Variants in TAFA1 observed in about 807,000 individuals in gnomAD.
The protein encoded by TAFA1 is chemokine-like protein TAFA-1.
A neutral mutation model predicts 18.5 loss-of-function variants in TAFA1; 4 were observed. The observed-to-expected ratio is 0.22, with a 90% CI of 0.11 to 0.49. TAFA1 has a LOEUF of 0.49. TAFA1 is among the 20% of genes least tolerant of loss of function. The pLI, the probability that TAFA1 is intolerant of heterozygous loss-of-function variation, is 0.98. For synonymous variants in TAFA1, 56 were observed against 55.2 expected (o/e 1.01, Z -0.06); for missense variants, 147 against 169.0 (o/e 0.87, Z 0.72).
At chr3:68,344,515 G>T (rs566563042) in intron 2 of TAFA1, among the ~76,000 whole-genome samples, 2 of 152,154 alleles carry the variant, frequency 1.3e-5, no homozygotes, top group Non-Finnish European at 2.9e-5. Flanking sequence ...TGACAGGCTT[G>T]GGTGTGAAAT....
chr3:68,017,487 G>T (rs1194838458), intron 2 of TAFA1, among the ~76,000 whole-genome samples: 3 of 152,082 alleles, frequency 2.0e-5, no homozygotes, highest in Non-Finnish European at 4.4e-5. Flanking sequence ...CTTTCTCCAG[G>T]CACTCCCTGT....
chr3:68,108,672 A>C (rs1384049610), intron 2 of TAFA1, among the ~76,000 whole-genome samples: 2 of 152,124 alleles, frequency 1.3e-5, no homozygotes, highest in Non-Finnish European at 2.9e-5. Flanking sequence ...AATTTTTAAC[A>C]TCTGGAGAAT....
intron 2 of TAFA1, among the ~76,000 whole-genome samples, chr3:68,105,745 TG>T (rs2065195574): frequency 6.6e-6 from 1 of 152,158 alleles, no homozygotes; most frequent in Non-Finnish European, 1.5e-5. Context: ...TGCAGAGGCT[TG>T]TCTCTATGTC....
intron 3 of TAFA1, among the ~76,000 whole-genome samples, chr3:68,451,020 TA>T (rs2071559498): frequency 6.6e-6 from 1 of 152,178 alleles, no homozygotes; most frequent in Admixed American, 6.5e-5. Context: ...GTGATGGAAT[TA>T]AAGTTTCAAA....
intron 3 of TAFA1, among the ~76,000 whole-genome samples, chr3:68,505,789 C>CA (rs1289240650): frequency 6.6e-6 from 1 of 152,058 alleles, no homozygotes; most frequent in Admixed American, 6.6e-5. Flanking sequence ...TCTTCAAGGC[C>CA]AGCAAGAAAA....
At chr3:68,387,557 G>A (rs1057444587) in intron 2 of TAFA1, among the ~76,000 whole-genome samples, 5 of 152,134 alleles carry the variant, frequency 3.3e-5, no homozygotes, top group African/African-American at 1.2e-4. Flanking sequence ...GCATTTACTA[G>A]TAAATAACTC....
chr3:68,042,792 A>T (rs1188617085), intron 2 of TAFA1, among the ~76,000 whole-genome samples: 1 of 152,242 alleles, frequency 6.6e-6, no homozygotes, highest in African/African-American at 2.4e-5. Context: ...GTTGACAGGC[A>T]CAGAGGCTGG....
chr3:68,066,541 G>A (rs2064680478), intron 2 of TAFA1, among the ~76,000 whole-genome samples: 1 of 152,058 alleles, frequency 6.6e-6, no homozygotes, highest in Admixed American at 6.6e-5. Flanking sequence ...AGACAGTTCT[G>A]GAAAATATAA....
At chr3:68,219,125 G>T (rs1190546753) in intron 2 of TAFA1, among the ~76,000 whole-genome samples, 1 of 151,620 alleles carries the variant, frequency 6.6e-6, no homozygotes, top group Non-Finnish European at 1.5e-5. Context: ...TTACTAAGAG[G>T]ATTTCTTTTT....
upstream of TAFA1, among the ~76,000 whole-genome samples, chr3:68,003,141 A>C (rs1704302862): frequency 6.6e-6 from 1 of 152,346 alleles, no homozygotes; most frequent in East Asian, 1.9e-4. Flanking sequence ...TTTAGAGAAC[A>C]GTTGTTATGT....
chr3:68,166,341 T>C (rs192315399), intron 2 of TAFA1, among the ~76,000 whole-genome samples: 11 of 152,308 alleles, frequency 7.2e-5, no homozygotes, highest in African/African-American at 2.4e-4. Context: ...TCCTTCCTAT[T>C]AGTGCTTTCT....
At chr3:68,448,447 C>T (rs1293325364) in intron 3 of TAFA1, among the ~76,000 whole-genome samples, 1 of 152,062 alleles carries the variant, frequency 6.6e-6, no homozygotes, top group Non-Finnish European at 1.5e-5. Context: ...GTTTCAATGA[C>T]TCTATTAATA....
intron 2 of TAFA1, among the ~76,000 whole-genome samples, chr3:68,363,006 A>G (rs1473002178): frequency 8.2e-6 from 1 of 121,504 alleles, no homozygotes; most frequent in Non-Finnish European, 1.6e-5. Context: ...TTTTAAATAC[A>G]GTTTAACTGT....
intron 2 of TAFA1, among the ~76,000 whole-genome samples, chr3:68,110,993 C>T (rs2065255938): frequency 6.6e-6 from 1 of 152,060 alleles, no homozygotes; most frequent in African/African-American, 2.4e-5. Context: ...GTTTGAATGC[C>T]CCCCTCCTCC....
chr3:68,217,209 T>C (rs2066670693), intron 2 of TAFA1, among the ~76,000 whole-genome samples: 1 of 152,068 alleles, frequency 6.6e-6, no homozygotes, highest in African/African-American at 2.4e-5. Flanking sequence ...TTACTTTTAA[T>C]GGCAAAAACT....
intron 2 of TAFA1, among the ~76,000 whole-genome samples, chr3:68,121,930 G>T (rs1032824024): frequency 2.0e-5 from 3 of 151,930 alleles, no homozygotes; most frequent in Non-Finnish European, 4.4e-5. Context: ...CTATATTGAG[G>T]TATTTTGCAT....
intron 2 of TAFA1, among the ~76,000 whole-genome samples, chr3:68,203,438 A>T (rs990277943): frequency 6.6e-6 from 1 of 151,638 alleles, no homozygotes; most frequent in Non-Finnish European, 1.5e-5. Flanking sequence ...TTTTCAAACT[A>T]TGTGTTTTGT....
At chr3:68,010,463 A>G (rs1432481434) in intron 2 of TAFA1, among the ~76,000 whole-genome samples, 3 of 152,162 alleles carry the variant, frequency 2.0e-5, no homozygotes, top group Non-Finnish European at 4.4e-5. Context: ...TGCTGTCATA[A>G]CATGAAATCG....
intron 2 of TAFA1, among the ~76,000 whole-genome samples, chr3:68,191,201 A>G (rs1464715207): frequency 6.6e-6 from 1 of 151,794 alleles, no homozygotes; most frequent in African/African-American, 2.4e-5. Context: ...TGGTAAACAC[A>G]TTATAATATA....
Sources: gnomAD v4.1 joint callset for allele counts (sites outside exome capture counted in the v4.1 genomes callset) on GRCh38, gnomAD v4.1.1 for gene constraint, MANE v1.5 for transcripts, NCBI Gene and HGNC (gene_info 2026-07-23, HGNC 2026-07-21) for gene names.